Variants in CTNND2 observed in about 807,000 individuals in gnomAD.
The protein encoded by CTNND2 is catenin delta 2, also known as catenin delta-2.
Under a neutral mutation model 144.4 loss-of-function variants are expected in CTNND2, and 22 were observed. That is an observed-to-expected ratio of 0.15 (90% CI 0.11 to 0.22). The LOEUF is 0.22. Ranked by LOEUF, CTNND2 falls within the 10% of genes least tolerant of loss-of-function variation. The probability of loss-of-function intolerance (pLI) is 1.00; values close to 1 mark genes in which losing one functional copy is unlikely to be tolerated. For missense variants in CTNND2, 1,353 were observed against 1,618.8 expected (o/e 0.84, Z 2.82); for synonymous variants, 751 against 695.6 (o/e 1.08, Z -1.25).
chr5:11,486,874 T>A (rs1452651464), intron 3 of CTNND2, among the ~76,000 whole-genome samples: 1 of 152,220 alleles, frequency 6.6e-6, no homozygotes, highest in Non-Finnish European at 1.5e-5. Flanking sequence ...TGTTTTATCC[T>A]ACTTGTTGCT....
chr5:11,407,225 G>A (rs1390962241), intron 5 of CTNND2, among the ~76,000 whole-genome samples: 1 of 152,078 alleles, frequency 6.6e-6, no homozygotes, highest in African/African-American at 2.4e-5. Context: ...TTATTGTTTT[G>A]TTTTGTTCCA....
chr5:11,266,153 T>C (rs1021475774), intron 9 of CTNND2, among the ~76,000 whole-genome samples: 1 of 152,228 alleles, frequency 6.6e-6, no homozygotes, highest in African/African-American at 2.4e-5. Flanking sequence ...AACTACAGCA[T>C]GATGTTGATG....
At chr5:11,299,226 G>C (rs1007064383) in intron 9 of CTNND2, among the ~76,000 whole-genome samples, 1 of 152,052 alleles carries the variant, frequency 6.6e-6, no homozygotes, top group African/African-American at 2.4e-5. Context: ...TTCACGGTTT[G>C]GTCTAAATTT....
Position 11,645,094 on chromosome 5 carries a change from T to C in CTNND2, c.175-80038A>G, listed in dbSNP as rs1435912517. Among the ~76,000 whole-genome samples, 4 of 152,144 alleles carry C rather than the reference T, an allele frequency of 2.6e-5. No homozygotes were observed. The South Asian group carries it at 6.2e-4, about 24-fold the overall frequency. On this transcript the variant is annotated intron_variant, in intron 2 of 21. Coordinates refer to ENST00000304623, the MANE Select transcript of CTNND2 (RefSeq NM_001332.4). ...GATCCTTCTGCCTCAGTATCTCAGA[T>C]GGCTGGGACTATAAGCGTGCACCAC...
intron 1 of CTNND2, among the ~76,000 whole-genome samples, chr5:11,799,299 T>C (rs904044962): frequency 6.6e-6 from 1 of 152,202 alleles, no homozygotes; most frequent in African/African-American, 2.4e-5. Context: ...TTTATGTCAC[T>C]GGTGATGTTT....
intron 2 of CTNND2, among the ~76,000 whole-genome samples, chr5:11,578,824 T>C (rs1023213436): frequency 2.0e-5 from 3 of 152,206 alleles, no homozygotes; most frequent in African/African-American, 4.8e-5. Context: ...AGCTGGCCCA[T>C]TGGTATTTCC....
chr5:11,803,086 C>A (rs6891866), intron 1 of CTNND2, among the ~76,000 whole-genome samples: 1 of 151,774 alleles, frequency 6.6e-6, no homozygotes, highest in Admixed American at 6.6e-5. Context: ...CTTTGGGAGG[C>A]CGAGGCGGGT....
At position 11,451,209 on chromosome 5, in the gene CTNND2, C is replaced by T. The variant is rs187563507; in HGVS notation, c.288-39140G>A. 1.2e-4 allele frequency among the ~76,000 whole-genome samples: 18 copies of T among 152,024 alleles called. No homozygotes were observed. The East Asian group carries it at 3.3e-3, about 28-fold the overall frequency. On this transcript the variant is annotated intron_variant, in intron 3 of 21. Coordinates refer to ENST00000304623, the MANE Select transcript of CTNND2 (RefSeq NM_001332.4). ...TTGTTGGTGTATGTGGTATCTGTCC[C>T]GTAACGTCTTTGTCAATAATTTTTC... is the stretch of plus-strand genomic sequence containing the variant.
At chr5:11,377,765 G>A (rs928789975) in intron 7 of CTNND2, among the ~76,000 whole-genome samples, 2 of 152,166 alleles carry the variant, frequency 1.3e-5, no homozygotes, top group African/African-American at 4.8e-5. Flanking sequence ...CCAGGCTTAG[G>A]CACTAACTTG....
intron 3 of CTNND2, among the ~76,000 whole-genome samples, chr5:11,540,509 C>A (rs1774627696): frequency 6.6e-6 from 1 of 152,108 alleles, no homozygotes; most frequent in Non-Finnish European, 1.5e-5. Flanking sequence ...GTTCATGCTG[C>A]AATCTTTTGT....
intron 9 of CTNND2, among the ~76,000 whole-genome samples, chr5:11,238,386 A>G (rs1741863813): frequency 6.6e-6 from 1 of 152,204 alleles, no homozygotes. Context: ...CATCCTATCA[A>G]TGCCAGGTCG....
intron 1 of CTNND2, among the ~76,000 whole-genome samples, chr5:11,826,897 C>T (rs1413882124): frequency 6.6e-6 from 1 of 151,870 alleles, no homozygotes; most frequent in Non-Finnish European, 1.5e-5. Context: ...CAATACTCCC[C>T]TCTCAATAGT....
intron 10 of CTNND2, among the ~76,000 whole-genome samples, chr5:11,205,179 CTATA>C (rs59497796): frequency 6.6e-6 from 1 of 151,882 alleles, no homozygotes; most frequent in East Asian, 1.9e-4. Context: ...TCGCTACATA[CTATA>C]TATATATGTA....
At chr5:11,772,265 T>G (rs756247171) in intron 1 of CTNND2, among the ~76,000 whole-genome samples, 8 of 152,236 alleles carry the variant, frequency 5.3e-5, no homozygotes, top group Non-Finnish European at 8.8e-5. Context: ...TTTATCTATT[T>G]CTAAAGTCGT....
At chr5:11,300,303 G>C (rs1277449192) in intron 9 of CTNND2, among the ~76,000 whole-genome samples, 1 of 152,176 alleles carries the variant, frequency 6.6e-6, no homozygotes. Flanking sequence ...AGGGTAGGCA[G>C]AGGACACCCA....
intron 2 of CTNND2, among the ~76,000 whole-genome samples, chr5:11,594,164 G>C (rs999287776): frequency 6.6e-6 from 1 of 152,182 alleles, no homozygotes; most frequent in African/African-American, 2.4e-5. Flanking sequence ...TCAGTCACTA[G>C]AATGAATATA....
In CTNND2 at chr5:11,752,763, T is replaced by C. The variant is rs547811189; in HGVS notation, c.38-20491A>G. 1.1e-4 allele frequency among the ~76,000 whole-genome samples: 17 copies of C among 152,050 alleles called. No homozygotes were observed. The Middle Eastern group carries it at 0.01, about 91-fold the overall frequency. On this transcript the variant is annotated intron_variant, in intron 1 of 21. Coordinates refer to ENST00000304623, the MANE Select transcript of CTNND2 (RefSeq NM_001332.4). ...TTTGGAATAGCATTCAATCTATAAG[T>C]TGCTTTGGGCAGTATGGCCATTTTA...
At chr5:11,771,180 C>T (rs372119666) in intron 1 of CTNND2, among the ~76,000 whole-genome samples, 1 of 133,378 alleles carries the variant, frequency 7.5e-6, no homozygotes, top group African/African-American at 2.7e-5. Context: ...TATCATGAAC[C>T]CACATTGTTA....
intron 3 of CTNND2, among the ~76,000 whole-genome samples, chr5:11,520,096 G>A (rs1306137998): frequency 4.0e-5 from 6 of 148,360 alleles, no homozygotes; most frequent in Non-Finnish European, 5.9e-5. Flanking sequence ...GCAATGAGCC[G>A]AGATCACGCC....
Sources: gnomAD v4.1 joint callset for allele counts (sites outside exome capture counted in the v4.1 genomes callset) on GRCh38, gnomAD v4.1.1 for gene constraint, MANE v1.5 for transcripts, NCBI Gene and HGNC (gene_info 2026-07-23, HGNC 2026-07-21) for gene names.